EFL1: variants seen among roughly 807,000 people sequenced by gnomAD.
EFL1 encodes the protein elongation factor-like GTPase 1.
In EFL1, 76 loss-of-function variants were observed where a neutral mutation model predicts 126.7. The ratio of observed to expected loss-of-function variants is 0.60; its 90% CI spans 0.50 to 0.73. The LOEUF (loss-of-function observed/expected upper bound fraction) is 0.73, where lower values mean the gene tolerates loss of function less well. Among genes scored for constraint, EFL1 ranks in the 30% least tolerant of loss-of-function variants. The pLI is 0.00. For synonymous variants in EFL1, 410 were observed against 448.4 expected, an observed-to-expected ratio of 0.91 and a Z score of 1.08; for missense variants, 1,128 against 1,343.2, an observed-to-expected ratio of 0.84 and a Z score of 2.50.
chr15:82,148,522 G>C (rs1397073619), intron 18 of EFL1, among the ~76,000 whole-genome samples: 1 of 152,132 alleles, frequency 6.6e-6, no homozygotes, highest in Non-Finnish European at 1.5e-5. Flanking sequence ...ACAGAGGATA[G>C]CAAGAAAATA....
intron 15 of EFL1, 29 bp from the exon 16 acceptor site, chr15:82,164,013 A>G: frequency 2.5e-6 from 4 of 1,606,794 alleles, no homozygotes; most frequent in East Asian, 4.5e-5. Context: ...CATACGGTCA[A>G]TAAGGGATGA....
chr15:82,199,855 C>T (rs1315796835), intron 15 of EFL1, among the ~76,000 whole-genome samples: 2 of 152,192 alleles, frequency 1.3e-5, no homozygotes, highest in East Asian at 3.9e-4. Context: ...TTTAATGTAT[C>T]GCAGGAGATA....
chr15:82,142,420 T>C (rs1006214810), intron 18 of EFL1, among the ~76,000 whole-genome samples: 1 of 151,768 alleles, frequency 6.6e-6, no homozygotes, highest in Non-Finnish European at 1.5e-5. Flanking sequence ...AGCTCAGGAG[T>C]TGGAGGCTGC....
chr15:82,226,287 G>A (rs2141310276), intron 11 of EFL1, among the ~76,000 whole-genome samples: 1 of 152,312 alleles, frequency 6.6e-6, no homozygotes, highest in Admixed American at 6.5e-5. Flanking sequence ...TCCTGCCTCA[G>A]CCTCCCGAGT....
intron 16 of EFL1, among the ~76,000 whole-genome samples, chr15:82,159,472 G>GTT (rs542281221): frequency 2.3e-4 from 30 of 132,724 alleles, no homozygotes; most frequent in African/African-American, 7.4e-4. Flanking sequence ...AATAAGAAAA[G>GTT]TTTTTTTTTT....
chr15:82,218,104 T>C (rs1305568516), intron 14 of EFL1, among the ~76,000 whole-genome samples: 2 of 152,180 alleles, frequency 1.3e-5, no homozygotes, highest in Admixed American at 6.5e-5. Flanking sequence ...ATTCTGATTG[T>C]GGCTTTGTGA....
rs199527414 is a variant in EFL1, at chr15:82,226,393, TG to T, written c.1192+1056del. The stretch of plus-strand genomic sequence containing the variant: ...CATGTTGGCCAGGAAGTGAAAACAT[TG>T]GGAAATAGTTGAATTCTGTATTTCA... On this transcript the variant is annotated intron_variant, in intron 11 of 19. Transcript: ENST00000268206. Among the ~76,000 whole-genome samples the T allele has an allele frequency of 6.6e-3, 999 of 152,234 alleles. 10 individuals are homozygous for T. Among genetic ancestry groups the T allele is most frequent in the African/African-American group, 0.022 (934 of 41,520 alleles).
At chr15:82,248,586 T>C (rs1325257645) in intron 4 of EFL1, among the ~76,000 whole-genome samples, 1 of 152,130 alleles carries the variant, frequency 6.6e-6, no homozygotes, top group East Asian at 1.9e-4. Context: ...TCAACTTGCA[T>C]ATGGACCTCT....
chr15:82,244,343 T>C (rs578237863), intron 4 of EFL1, among the ~76,000 whole-genome samples: 2 of 152,238 alleles, frequency 1.3e-5, no homozygotes, highest in South Asian at 2.1e-4. Context: ...GGGTTTACCA[T>C]GGTAGATATT....
In EFL1 at chr15:82,152,201, G is replaced by A; in HGVS notation, c.2253C>T (p.Leu751=). 6.2e-7 allele frequency: 1 copy of A among 1,614,164 alleles called. No individual in the cohort carries two copies. The highest frequency in any genetic ancestry group is 8.5e-7 in the Non-Finnish European group (1 of 1,180,030). The change falls in exon 18 of 20, where the codon CTC becomes CTT. Residue 751 remains leucine (L), a synonymous_variant. Transcript: ENST00000268206. ...CTGGAAGGGGCATGGCTCGAACACT[G>A]AGCGTGGCAAGTTTATTGGGAGTTG... The part of the protein sequence containing the change: ...TITTPNKLAT[L]SVRAMPLPEE...
In EFL1 at chr15:82,213,102, T is replaced by C. The variant is rs556984556; in HGVS notation, c.1750+1615A>G. ...TGAAGTTTAAGACTATGCAGTTGGT[T>C]TTCTGGTTACTTGCAGCTAAATACA... is the stretch of plus-strand genomic sequence containing the variant. On this transcript the variant is annotated intron_variant, in intron 15 of 19. Coordinates refer to ENST00000268206, the MANE Select transcript of EFL1 (RefSeq NM_024580.6). Among the ~76,000 whole-genome samples, 17 of 152,306 alleles carry C rather than the reference T, an allele frequency of 1.1e-4. No individual in the cohort carries two copies. In the East Asian group the frequency reaches 3.3e-3, roughly 29 times the overall value.
At chr15:82,248,136 T>C (rs938353555) in intron 4 of EFL1, among the ~76,000 whole-genome samples, 1 of 152,110 alleles carries the variant, frequency 6.6e-6, no homozygotes, top group African/African-American at 2.4e-5. Flanking sequence ...GCTGTGAAGA[T>C]TAAACAAAAT....
chr15:82,247,769 G>C (rs1052803777), intron 4 of EFL1, among the ~76,000 whole-genome samples: 2 of 152,066 alleles, frequency 1.3e-5, no homozygotes, highest in Non-Finnish European at 2.9e-5. Flanking sequence ...GGGAATAATG[G>C]GAAATTGAAA....
intron 18 of EFL1, among the ~76,000 whole-genome samples, chr15:82,147,151 C>A (rs544449532): frequency 6.6e-6 from 1 of 152,102 alleles, no homozygotes; most frequent in Non-Finnish European, 1.5e-5. Flanking sequence ...TCTGGCTTCA[C>A]GTGTTGTGCT....
At chr15:82,195,624 A>C (rs2074400516) in intron 15 of EFL1, among the ~76,000 whole-genome samples, 1 of 152,178 alleles carries the variant, frequency 6.6e-6, no homozygotes, top group Non-Finnish European at 1.5e-5. Flanking sequence ...TAGAAGCTAA[A>C]CGCCAACAAA....
chr15:82,197,916 C>T (rs1274361020), intron 15 of EFL1, among the ~76,000 whole-genome samples: 1 of 152,124 alleles, frequency 6.6e-6, no homozygotes, highest in Non-Finnish European at 1.5e-5. Flanking sequence ...TGCCTGCCTG[C>T]CATGTGTAAG....
chr15:82,192,038 A>G (rs1219022744), intron 15 of EFL1, among the ~76,000 whole-genome samples: 1 of 152,204 alleles, frequency 6.6e-6, no homozygotes, highest in Non-Finnish European at 1.5e-5. Flanking sequence ...ATTGTTAAAG[A>G]TAACACCTAG....
At chr15:82,144,831 A>G (rs2073825613) in intron 18 of EFL1, among the ~76,000 whole-genome samples, 1 of 151,854 alleles carries the variant, frequency 6.6e-6, no homozygotes, top group Non-Finnish European at 1.5e-5. Context: ...TGTCTCTACT[A>G]AAAATACAAA....
At chr15:82,237,093 A>C (rs2141322681) in intron 7 of EFL1, among the ~76,000 whole-genome samples, 1 of 152,362 alleles carries the variant, frequency 6.6e-6, no homozygotes, top group East Asian at 1.9e-4. Context: ...CAGTGAGCCA[A>C]GATTGCGTCA....
Sources: gnomAD v4.1 joint callset for allele counts (sites outside exome capture counted in the v4.1 genomes callset) on GRCh38, gnomAD v4.1.1 for gene constraint, MANE v1.5 for transcripts, NCBI Gene and HGNC (gene_info 2026-07-23, HGNC 2026-07-21) for gene names.